Variants in CLDN14 observed in about 807,000 individuals in gnomAD.
CLDN14 encodes claudin 14, also known as claudin-14.
Under a neutral mutation model 2.1 loss-of-function variants are expected in CLDN14, and 2 were observed. The observed-to-expected ratio is 0.96, with a 90% CI of 0.39 to 3.01. The LOEUF is 3.01. CLDN14 is among the 30% of genes most tolerant of loss of function. The pLI, the probability that CLDN14 is intolerant of heterozygous loss-of-function variation, is 0.09. For synonymous variants in CLDN14, 136 were observed against 154.4 expected (o/e 0.88, Z 0.88); for missense variants, 298 against 328.0 (o/e 0.91, Z 0.71).
intron 1 of CLDN14, among the ~76,000 whole-genome samples, chr21:36,530,742 T>C (rs2087373176): frequency 1.3e-5 from 2 of 151,684 alleles, no homozygotes; most frequent in East Asian, 3.9e-4. Context: ...TTTCAAAAAG[T>C]GGGAGGAGGT....
At chr21:36,576,445 T>C (rs1291083794) in exon 1 of CLDN14, 1 of 152,316 alleles carries the variant, frequency 6.6e-6, no homozygotes, top group African/African-American at 2.4e-5. Context: ...TCCAGTGCTA[T>C]ATCTGAAAGT....
intron 1 of CLDN14, among the ~76,000 whole-genome samples, chr21:36,464,534 T>C (rs2086621434): frequency 6.6e-6 from 1 of 152,182 alleles, no homozygotes; most frequent in Admixed American, 6.5e-5. Flanking sequence ...AGGGACGCCA[T>C]CACAGTCCCT....
intron 1 of CLDN14, among the ~76,000 whole-genome samples, chr21:36,470,750 G>A (rs2146431730): frequency 6.6e-6 from 1 of 152,284 alleles, no homozygotes; most frequent in African/African-American, 2.4e-5. Context: ...GAGGTGGGAG[G>A]ATCACTTGAG....
At chr21:36,520,579 G>A (rs1033295578) in intron 1 of CLDN14, among the ~76,000 whole-genome samples, 2 of 152,158 alleles carry the variant, frequency 1.3e-5, no homozygotes, top group Non-Finnish European at 1.5e-5. Flanking sequence ...CCATGATTGT[G>A]AGGCCTCCCA....
At chr21:36,549,829 G>A (rs180782081) in intron 1 of CLDN14, among the ~76,000 whole-genome samples, 14 of 152,174 alleles carry the variant, frequency 9.2e-5, no homozygotes, top group Non-Finnish European at 1.5e-4. Context: ...ATTCCTACTC[G>A]CAATCGTCCC....
chr21:36,508,478 G>C (rs2087153652), intron 2 of CLDN14, among the ~76,000 whole-genome samples: 1 of 152,202 alleles, frequency 6.6e-6, no homozygotes, highest in Non-Finnish European at 1.5e-5. Flanking sequence ...CATTAGGGTA[G>C]GAAGCCGGAA....
At chr21:36,483,081 G>C (rs1228401115), upstream of CLDN14, among the ~76,000 whole-genome samples, 3 of 152,230 alleles carry the variant, frequency 2.0e-5, no homozygotes, top group Non-Finnish European at 4.4e-5. Context: ...GGCAGGGTTT[G>C]AACCGAGCAC....
At chr21:36,481,252 C>T (rs1230605517), upstream of CLDN14, among the ~76,000 whole-genome samples, 2 of 152,144 alleles carry the variant, frequency 1.3e-5, no homozygotes, top group Non-Finnish European at 2.9e-5. Context: ...CTCCACCCCA[C>T]CTAAAGCAGT....
Position 36,550,474 on chromosome 21 carries a change from G to A in CLDN14, c.-220+25937C>T, listed in dbSNP as rs556348042. On this transcript the variant is annotated intron_variant, in intron 1 of 2. Coordinates refer to the CLDN14 transcript ENST00000342108. The stretch of plus-strand genomic sequence containing the variant: ...AATTGGAGGGGCCCTAAAGTAAGTT[G>A]GTTTGCTAAGAGCCACCCTTTCAAG... Among the ~76,000 whole-genome samples the A allele has an allele frequency of 5.9e-5, 9 of 152,282 alleles. No individual in the cohort carries two copies. The South Asian group carries it at 1.9e-3, about 32-fold the overall frequency.
rs1191990455 is a variant in CLDN14, at chr21:36,551,807, A to G, written c.-220+24604T>C. 6.6e-6 allele frequency among the ~76,000 whole-genome samples: 1 copy of G among 152,230 alleles called. No homozygotes were observed. Among genetic ancestry groups the G allele is most frequent in the East Asian group, 1.9e-4 (1 of 5,192 alleles). On this transcript the variant is annotated intron_variant, in intron 1 of 2. Transcript: ENST00000342108. This position sits in a 1 kb window ranked among gnomAD's most constrained non-coding sequence, Gnocchi z 4.8. ...ACTCACTGACAGAGATCAATGAAGC[A>G]GACAGCAACTCATTGCAACTGCTCC... is the stretch of plus-strand genomic sequence containing the variant.
chr21:36,539,322 G>A (rs760722636), intron 1 of CLDN14, among the ~76,000 whole-genome samples: 11 of 151,860 alleles, frequency 7.2e-5, no homozygotes, highest in Admixed American at 1.3e-4. Flanking sequence ...GAGTGAGTGC[G>A]TGTGGAGTGT....
intron 1 of CLDN14, among the ~76,000 whole-genome samples, chr21:36,518,976 A>G (rs1426594226): frequency 6.6e-6 from 1 of 152,190 alleles, no homozygotes; most frequent in Non-Finnish European, 1.5e-5. Flanking sequence ...AGTTATTATC[A>G]GTGAAAAGCC....
At chr21:36,489,228 G>GA (rs2086937033) in intron 2 of CLDN14, among the ~76,000 whole-genome samples, 1 of 145,970 alleles carries the variant, frequency 6.9e-6, no homozygotes, top group Admixed American at 6.8e-5. Context: ...GAGAGAGAGA[G>GA]AACATCCAAA....
intron 1 of CLDN14, chr21:36,526,220 G>A (rs760129324): frequency 1.3e-5 from 2 of 152,156 alleles, no homozygotes; most frequent in Admixed American, 6.5e-5. Flanking sequence ...GCACCTGCTC[G>A]ACTCTGCTAT....
At chr21:36,565,703 C>A (rs917141496) in intron 1 of CLDN14, among the ~76,000 whole-genome samples, 1 of 152,182 alleles carries the variant, frequency 6.6e-6, no homozygotes, top group African/African-American at 2.4e-5. Flanking sequence ...TTCAGAAAGC[C>A]CAGTACCCTG....
chr21:36,475,230 T>C (rs1008328237), intron 1 of CLDN14, among the ~76,000 whole-genome samples: 5 of 151,904 alleles, frequency 3.3e-5, no homozygotes, highest in Non-Finnish European at 5.9e-5. Flanking sequence ...TAGGGGAAAA[T>C]GATGAAGGCA....
intron 1 of CLDN14, among the ~76,000 whole-genome samples, chr21:36,549,381 G>A (rs2087548334): frequency 6.6e-6 from 1 of 152,074 alleles, no homozygotes; most frequent in South Asian, 2.1e-4. Context: ...GCTGCAAAAT[G>A]AGAAAGATGT....
chr21:36,547,442 T>C (rs999964804), intron 1 of CLDN14, among the ~76,000 whole-genome samples: 12 of 152,164 alleles, frequency 7.9e-5, no homozygotes, highest in African/African-American at 2.9e-4. Context: ...TTGAAATGGT[T>C]GTGTAAAGAG....
At position 36,461,249 on chromosome 21, in the gene CLDN14, G is replaced by C; in HGVS notation, c.447C>G (p.Asn149Lys). The change falls in exon 2 of 2, where the codon AAC becomes AAG. Residue 149 changes from asparagine (N) to lysine (K), a missense_variant. Coordinates refer to ENST00000399135, the MANE Select transcript of CLDN14 (RefSeq NM_001146079.2). ...ACTTCATGCCGCTGGGCAGCAGCGG[G>C]TTGTAGAAGTTCTGCACCACGTCGT... ...TTNDVVQNFY[N>K]PLLPSGMKFE... 1.2e-6 allele frequency: 2 copies of C among 1,613,996 alleles called. No individual in the cohort carries two copies. The highest frequency in any genetic ancestry group is 2.2e-5 in the East Asian group (1 of 44,884).
Sources: gnomAD v4.1 joint callset for allele counts (sites outside exome capture counted in the v4.1 genomes callset) on GRCh38, gnomAD v4.1.1 for gene constraint, Gnocchi (gnomAD v3.1) non-coding constraint, MANE v1.5 for transcripts, NCBI Gene and HGNC (gene_info 2026-07-23, HGNC 2026-07-21) for gene names.